Variants in RAPGEF2 observed in about 807,000 individuals in gnomAD.
RAPGEF2 encodes the protein PDZ domain containing guanine nucleotide exchange factor (GEF) 1.
A neutral mutation model predicts 186.7 loss-of-function variants in RAPGEF2; 54 were observed. The ratio of observed to expected loss-of-function variants is 0.29; its 90% CI spans 0.23 to 0.36. The LOEUF (loss-of-function observed/expected upper bound fraction) is 0.36. Among genes scored for constraint, RAPGEF2 ranks in the 10% least tolerant of loss-of-function variants. The pLI is 1.00. For synonymous variants in RAPGEF2, 712 were observed against 705.9 expected (o/e 1.01, Z -0.14); for missense variants, 1,532 against 2,045.0 (o/e 0.75, Z 4.84).
intron 7 of RAPGEF2, among the ~76,000 whole-genome samples, chr4:159,293,820 T>C (rs2078413779): frequency 2.0e-5 from 3 of 152,218 alleles, no homozygotes; most frequent in African/African-American, 7.2e-5. Context: ...TAACCTTCAA[T>C]GCAAAGCTTG....
chr4:159,142,785 A>G (rs1042978601), intron 1 of RAPGEF2, among the ~76,000 whole-genome samples: 1 of 152,176 alleles, frequency 6.6e-6, no homozygotes, highest in Non-Finnish European at 1.5e-5. Flanking sequence ...TCTGTGTGCC[A>G]GGCCCTGCGT....
intron 3 of RAPGEF2, among the ~76,000 whole-genome samples, chr4:159,205,018 A>G (rs896991618): frequency 3.9e-5 from 6 of 152,224 alleles, no homozygotes; most frequent in Non-Finnish European, 7.3e-5. Context: ...TTAAAAAAAA[A>G]TTATTTGAGG....
At chr4:159,345,479 T>C (rs887535281) in intron 24 of RAPGEF2, 150 bp downstream of exon 24, 1 of 703,896 alleles carries the variant, frequency 1.4e-6, no homozygotes, top group African/African-American at 1.8e-5. Context: ...AATGCTAATA[T>C]TTAATACTGG....
At chr4:159,154,493 C>G (rs1400365063) in intron 1 of RAPGEF2, among the ~76,000 whole-genome samples, 1 of 147,002 alleles carries the variant, frequency 6.8e-6, no homozygotes, top group Non-Finnish European at 1.5e-5. Context: ...TCTCTCCTTC[C>G]ACTCACATCA....
intron 1 of RAPGEF2, among the ~76,000 whole-genome samples, chr4:159,183,339 A>G (rs77766009): frequency 0.074 from 11,346 of 152,324 alleles, 611 homozygotes; most frequent in African/African-American, 0.15. Flanking sequence ...TCTTTCCAAC[A>G]GAGGGTTCCA....
intron 7 of RAPGEF2, among the ~76,000 whole-genome samples, chr4:159,285,395 C>T (rs1760321767): frequency 6.6e-6 from 1 of 152,156 alleles, no homozygotes; most frequent in Non-Finnish European, 1.5e-5. Flanking sequence ...AGGATTCCAT[C>T]TCAGGAGGTT....
chr4:159,322,577 T>A, intron 10 of RAPGEF2, 94 bp downstream of exon 10: 1 of 1,023,454 alleles, frequency 9.8e-7, no homozygotes, highest in Non-Finnish European at 1.5e-6. Flanking sequence ...TTTTCCTTTT[T>A]AATACCCAAC....
chr4:159,157,893 G>C (rs1168712738), intron 1 of RAPGEF2, among the ~76,000 whole-genome samples: 1 of 152,100 alleles, frequency 6.6e-6, no homozygotes, highest in Non-Finnish European at 1.5e-5. Context: ...TATGGCAGTG[G>C]CAGTGGCATG....
At position 159,295,518 on chromosome 4, in the gene RAPGEF2, A is replaced by G. The variant is rs528548971; in HGVS notation, c.544-8824A>G. On this transcript the variant is annotated intron_variant, in intron 7 of 29. Transcript: ENST00000691494. ...GGACATTTCATTTGGCCATATATAC[A>G]TTAATCAACTACCTCCGTGTTTCTA... Among the ~76,000 whole-genome samples the G allele has an allele frequency of 4.6e-5, 7 of 152,306 alleles. No homozygotes were observed. The South Asian group carries it at 1.2e-3, about 27-fold the overall frequency.
At chr4:159,213,146 T>C (rs1750683237) in intron 4 of RAPGEF2, among the ~76,000 whole-genome samples, 1 of 152,240 alleles carries the variant, frequency 6.6e-6, no homozygotes. Flanking sequence ...TTGCACCTGC[T>C]GACAGTTTGC....
At chr4:159,318,025 A>G (rs1174967832) in intron 9 of RAPGEF2, among the ~76,000 whole-genome samples, 1 of 151,912 alleles carries the variant, frequency 6.6e-6, no homozygotes, top group East Asian at 1.9e-4. Context: ...AGCAGCCATA[A>G]TGATTCCTAC....
intron 4 of RAPGEF2, among the ~76,000 whole-genome samples, chr4:159,212,203 G>T (rs1307043652): frequency 1.3e-5 from 2 of 152,080 alleles, no homozygotes; most frequent in Non-Finnish European, 2.9e-5. Flanking sequence ...TAGGAATTCT[G>T]TTTTCGGCAG....
intron 1 of RAPGEF2, among the ~76,000 whole-genome samples, chr4:159,181,232 G>T (rs1746977217): frequency 1.3e-5 from 2 of 152,154 alleles, no homozygotes; most frequent in African/African-American, 4.8e-5. Context: ...AAGGCCTTTT[G>T]TTCTATTTTA....
chr4:159,178,823 T>C (rs998700996), intron 1 of RAPGEF2, among the ~76,000 whole-genome samples: 1 of 152,146 alleles, frequency 6.6e-6, no homozygotes, highest in Non-Finnish European at 1.5e-5. Flanking sequence ...CTTCCCAAAG[T>C]GCTGGGATTA....
intron 7 of RAPGEF2, among the ~76,000 whole-genome samples, chr4:159,262,425 C>T (rs745989939): frequency 6.6e-6 from 1 of 152,134 alleles, no homozygotes; most frequent in South Asian, 2.1e-4. Flanking sequence ...TCTACAGCCT[C>T]GCCCCTAGAA....
intron 7 of RAPGEF2, among the ~76,000 whole-genome samples, chr4:159,275,267 A>G (rs368032542): frequency 2.0e-5 from 3 of 152,222 alleles, no homozygotes; most frequent in South Asian, 2.1e-4. Flanking sequence ...CTCTTTTACA[A>G]CTTACACTGG....
intron 1 of RAPGEF2, among the ~76,000 whole-genome samples, chr4:159,157,485 A>G (rs763760297): frequency 6.6e-6 from 1 of 152,198 alleles, no homozygotes; most frequent in Admixed American, 6.5e-5. Context: ...TCATAAACCC[A>G]TACTCTTTTA....
At chr4:159,168,857 A>G (rs999724224) in intron 1 of RAPGEF2, among the ~76,000 whole-genome samples, 4 of 152,240 alleles carry the variant, frequency 2.6e-5, no homozygotes, top group Non-Finnish European at 5.9e-5. Context: ...TATATGTGAT[A>G]GGATATAGAA....
intron 1 of RAPGEF2, among the ~76,000 whole-genome samples, chr4:159,149,847 T>A (rs1440720476): frequency 2.0e-5 from 3 of 152,176 alleles, no homozygotes; most frequent in Non-Finnish European, 2.9e-5. Context: ...AATCAGAAGT[T>A]CTTAGGAGAC....
Sources: gnomAD v4.1 joint callset for allele counts (sites outside exome capture counted in the v4.1 genomes callset) on GRCh38, gnomAD v4.1.1 for gene constraint, MANE v1.5 for transcripts, NCBI Gene and HGNC (gene_info 2026-07-23, HGNC 2026-07-21) for gene names.